The following RAB24 variants were observed in gnomAD, a reference collection of about 807,000 sequenced individuals.
RAB24 encodes the protein ras-related protein Rab-24.
Under a neutral mutation model 31.4 loss-of-function variants are expected in RAB24, and 9 were observed. The ratio of observed to expected loss-of-function variants is 0.29; its 90% confidence interval spans 0.17 to 0.50. RAB24 has a LOEUF of 0.50. Among genes scored for constraint, RAB24 ranks in the 20% least tolerant of loss-of-function variants. RAB24 has a pLI of 0.98. For synonymous variants in RAB24, 106 were observed against 94.1 expected (o/e 1.13, Z -0.73); for missense variants, 197 against 265.2 (o/e 0.74, Z 1.79).
intron 6 of RAB24, 49 bp from the exon 7 acceptor site, chr5:177,302,036 G>A: frequency 1.2e-5 from 19 of 1,610,850 alleles, no homozygotes; most frequent in East Asian, 2.2e-5. Flanking sequence ...AGTAGCCCTG[G>A]GATCTCCCAG....
chr5:177,301,652 T>G lies in RAB24; in HGVS notation c.*91A>C, dbSNP rs774313546. On this transcript the variant is annotated 3_prime_UTR_variant, in exon 8 of 8. Transcript: ENST00000303251. ...TGCTGACATGAGGACCTGGGGTAGC[T>G]CAGACATTTGACTACCCAAGCCCAG... is the stretch of plus-strand genomic sequence containing the variant. 4 of 1,442,936 alleles carry G rather than the reference T, an allele frequency of 2.8e-6. No individual in the cohort carries two copies. In the African/African-American group the frequency reaches 4.2e-5, roughly 15 times the overall value. 89.4% of individuals were successfully genotyped at this position (1,442,936 alleles called of 1,614,324 possible).
Position 177,303,120 on chromosome 5 carries a change from C to T in RAB24, c.118-43G>A, listed in dbSNP as rs1439448551. 1.2e-6 allele frequency: 2 copies of T among 1,613,322 alleles called. No homozygotes were observed. The highest frequency in any genetic ancestry group is 1.7e-6 in the Non-Finnish European group (2 of 1,179,608). Reference sequence around the variant, plus strand: ...AGATCGGGGCCATAGGTGCAGATTACCGGCCCCCCACTCCCCCGCCCACCG... The same window carrying T: ...AGATCGGGGCCATAGGTGCAGATTATCGGCCCCCCACTCCCCCGCCCACCG... On this transcript the variant is annotated intron_variant, in intron 1 of 7. Transcript: ENST00000303251. This position sits in a 1 kb window ranked among gnomAD's most constrained non-coding sequence, Gnocchi z 6.1.
Position 177,303,691 on chromosome 5 carries a change from GCCGCGACTC to G in RAB24, c.-412_-404del. 2.8e-6 allele frequency: 1 copy of G among 359,540 alleles called. No homozygotes were observed. Among genetic ancestry groups the G allele is most frequent in the Non-Finnish European group, 5.0e-6 (1 of 200,582 alleles). 22.3% of individuals were successfully genotyped at this position (359,540 alleles called of 1,614,324 possible). A position where few individuals can be genotyped will look rare whatever the true frequency, so the allele number is the denominator to read the frequency against. ...CCGCAACCCGGCTCCTACCCGCAGC[GCCGCGACTC>G]CCGCGGGAGGGGGCTAGAGGGCGAG... On this transcript the variant is annotated 5_prime_UTR_variant, in exon 1 of 8. Transcript: ENST00000303251. The surrounding 1 kb of genome is among the most constrained non-coding windows in gnomAD (Gnocchi z 6.1).
rs1336762922 is a variant in RAB24 at position 177,301,716 on chromosome 5, A to AT, written c.*26dup. On this transcript the variant is annotated 3_prime_UTR_variant, in exon 8 of 8. Coordinates refer to ENST00000303251, the MANE Select transcript of RAB24 (RefSeq NM_001031677.4). ...CCAGCCCTTACGGGGAATTCCTTTAATTCCCCCAGGCCAGGTGAGTGCTGA... is the reference window on the plus strand; with the variant it reads ...CCAGCCCTTACGGGGAATTCCTTTAATTTCCCCCAGGCCAGGTGAGTGCTGA... 44 of 1,613,238 alleles carry AT rather than the reference A, an allele frequency of 2.7e-5. No individual in the cohort carries two copies. Among genetic ancestry groups the AT allele is most frequent in the Non-Finnish European group, 3.6e-5 (42 of 1,179,306 alleles).
At position 177,303,183 on chromosome 5, in the gene RAB24, G is replaced by A; in HGVS notation, c.106C>T (p.Pro36Ser). 6.2e-7 allele frequency: 1 copy of A among 1,613,698 alleles called. No individual in the cohort carries two copies. Among genetic ancestry groups the A allele is most frequent in the African/African-American group, 1.3e-5 (1 of 75,036 alleles). The change falls in exon 1 of 8, where the codon CCT (proline) becomes TCT (serine). Residue 36 changes from proline to serine, a missense_variant. Pro to Ser is a moderately conservative substitution (Grantham distance 74). Coordinates refer to ENST00000303251, the MANE Select transcript of RAB24 (RefSeq NM_001031677.4). This position sits in a 1 kb window ranked among gnomAD's most constrained non-coding sequence, Gnocchi z 6.1. ...RYVHDRFLVG[P>S]YQNTIGAAFV... The stretch of plus-strand genomic sequence containing the variant: ...CCGGATGCACTCACGTTCTGATAAG[G>A]CCCCACCAGAAAGCGGTCGTGCACG...
At chr5:177,302,952 A>T in intron 2 of RAB24, 57 bp downstream of exon 2, 1 of 1,597,482 alleles carries the variant, frequency 6.3e-7, no homozygotes. Context: ...AGTAATAGGC[A>T]GGACCTACAC....
Position 177,302,614 on chromosome 5 carries a change from G to A in RAB24, c.296C>T (p.Ala99Val). 6.2e-7 allele frequency: 1 copy of A among 1,614,118 alleles called. No homozygotes were observed. Among genetic ancestry groups the A allele is most frequent in the South Asian group, 1.1e-5 (1 of 91,070 alleles). The change falls in exon 4 of 8, where the codon GCA (alanine) becomes GTA (valine). Residue 99 changes from alanine (A) to valine (V), a missense_variant. This residue lies in a region of RAB24 where 148 missense variants were observed against 159.7 expected (regional missense o/e 0.93). Coordinates refer to ENST00000303251, the MANE Select transcript of RAB24 (RefSeq NM_001031677.4). Reference protein sequence around the residue: ...DLTDSSSFERAKFWVKELRSL... With the variant: ...DLTDSSSFERVKFWVKELRSL... ...GCGCAGTTCCTTCACCCAGAACTTT[G>A]CTCGCTCAAAGCTGCTGCTGTCTGT...
chr5:177,301,579 G>T lies in RAB24; in HGVS notation c.*164C>A. ...TTATCCCTCCTCATGCCCACAGTCAGCCCAATGCTGTCTCCGTTCCATGGG... is the reference window on the plus strand; with the variant it reads ...TTATCCCTCCTCATGCCCACAGTCATCCCAATGCTGTCTCCGTTCCATGGG... On this transcript the variant is annotated 3_prime_UTR_variant, in exon 8 of 8. Coordinates refer to ENST00000303251, the MANE Select transcript of RAB24 (RefSeq NM_001031677.4). 2 of 750,660 alleles carry T rather than the reference G, an allele frequency of 2.7e-6. No individual in the cohort carries two copies. The highest frequency in any genetic ancestry group is 4.4e-6 in the Non-Finnish European group (2 of 455,164). The allele number at this position is 750,660 out of a possible 1,614,324, so 46.5% of individuals were successfully genotyped here. A position where few individuals can be genotyped will look rare whatever the true frequency, so the allele number is the denominator to read the frequency against.
In RAB24 at chr5:177,302,743, C is replaced by T. The variant is rs376112399; in HGVS notation, c.265+9G>A. On this transcript the variant is annotated intron_variant, in intron 3 of 7. Coordinates refer to ENST00000303251, the MANE Select transcript of RAB24 (RefSeq NM_001031677.4). ...CTTGTGAGACAGCCCAAACCCCCCC[C>T]CCCCTTACCATAGCAGACGATGGCA... is the stretch of plus-strand genomic sequence containing the variant. The T allele has an allele frequency of 1.8e-5, 28 of 1,596,638 alleles. No individual in the cohort carries two copies. The highest frequency in any genetic ancestry group is 2.1e-5 in the Non-Finnish European group (25 of 1,164,948).
rs1760722889 is a variant in RAB24 at position 177,302,742 on chromosome 5, C to A, written c.265+10G>T. ...TCTTGTGAGACAGCCCAAACCCCCC[C>A]CCCCCTTACCATAGCAGACGATGGC... On this transcript the variant is annotated intron_variant, in intron 3 of 7. Coordinates refer to ENST00000303251, the MANE Select transcript of RAB24 (RefSeq NM_001031677.4). 3 of 1,588,180 alleles carry A rather than the reference C, an allele frequency of 1.9e-6. No homozygotes were observed. Among genetic ancestry groups the A allele is most frequent in the African/African-American group, 1.3e-5 (1 of 74,298 alleles).
Position 177,302,801 on chromosome 5 carries a change from G to A in RAB24, c.216C>T (p.Ala72=). Residue 72 remains alanine (A), a synonymous_variant, in exon 3 of 8, where the codon GCC becomes GCT. Coordinates refer to ENST00000303251, the MANE Select transcript of RAB24 (RefSeq NM_001031677.4). ...WDTAGSERYE[A]MSRIYYRGAK... ...CACCCCGATAGTAGATTCTACTCATGGCCTCATAGCGCTCAGAGCCTGCTG... is the reference window on the plus strand; with the variant it reads ...CACCCCGATAGTAGATTCTACTCATAGCCTCATAGCGCTCAGAGCCTGCTG... 6.2e-7 allele frequency: 1 copy of A among 1,611,222 alleles called. No homozygotes were observed. The highest frequency in any genetic ancestry group is 8.5e-7 in the Non-Finnish European group (1 of 1,179,666).
Position 177,302,387 on chromosome 5 carries a change from G to A in RAB24, c.433+10C>T, listed in dbSNP as rs1760708322. On this transcript the variant is annotated intron_variant, in intron 5 of 7. Transcript: ENST00000303251. ...CACCCCCACCCCCCAAAGGGCTGAG[G>A]AGCAGCTACTGTCTGCATAGTCCTG... The A allele has an allele frequency of 6.2e-7, 1 of 1,612,710 alleles. No individual in the cohort carries two copies. The highest frequency in any genetic ancestry group is 8.5e-7 in the Non-Finnish European group (1 of 1,179,740).
At position 177,303,534 on chromosome 5, in the gene RAB24, G is replaced by C; in HGVS notation, c.-246C>G. On this transcript the variant is annotated 5_prime_UTR_variant, in exon 1 of 8. Transcript: ENST00000303251. The surrounding 1 kb of genome is among the most constrained non-coding windows in gnomAD (Gnocchi z 6.1). ...CTTCGAAGACCCCAAGCCTCGGGGC[G>C]GCCTGGGAGCGCGCGGGACAGCGTC... 1 of 582,994 alleles carries C rather than the reference G, an allele frequency of 1.7e-6. No individual in the cohort carries two copies. Among genetic ancestry groups the C allele is most frequent in the South Asian group, 2.0e-5 (1 of 49,408 alleles). 36.1% of individuals were successfully genotyped at this position (582,994 alleles called of 1,614,324 possible).
chr5:177,301,526 G>T lies in RAB24; in HGVS notation c.*217C>A. The T allele has an allele frequency of 1.7e-6, 1 of 601,102 alleles. No individual in the cohort carries two copies. The highest frequency in any genetic ancestry group is 3.0e-6 in the Non-Finnish European group (1 of 338,330). The allele number at this position is 601,102 out of a possible 1,614,324, so 37.2% of individuals were successfully genotyped here. On this transcript the variant is annotated 3_prime_UTR_variant, in exon 8 of 8. Transcript: ENST00000303251. ...AATCTGCAGACACAAGTGCTGTCCA[G>T]GGCAGAAGCCTGGGGTCCAAATCAG... is the stretch of plus-strand genomic sequence containing the variant.
Position 177,302,772 on chromosome 5 carries a change from T to A in RAB24, c.245A>T (p.Lys82Met). 7.4e-7 allele frequency: 1 copy of A among 1,346,936 alleles called. No homozygotes were observed. The highest frequency in any genetic ancestry group is 3.9e-5 in the East Asian group (1 of 25,564). The allele number at this position is 1,346,936 out of a possible 1,614,324, so 83.4% of individuals were successfully genotyped here. A position where few individuals can be genotyped will look rare whatever the true frequency, so the allele number is the denominator to read the frequency against. ...AMSRIYYRGA[K>M]AAIVCYDLTD... ...CTTACCATAGCAGACGATGGCAGCCTTGGCACCCCGATAGTAGATTCTACT... is the reference window on the plus strand; with the variant it reads ...CTTACCATAGCAGACGATGGCAGCCATGGCACCCCGATAGTAGATTCTACT... Residue 82 changes from lysine (K) to methionine (M), a missense_variant, in exon 3 of 8, where the codon AAG becomes ATG. Coordinates refer to ENST00000303251, the MANE Select transcript of RAB24 (RefSeq NM_001031677.4).
chr5:177,303,577 C>A lies in RAB24; in HGVS notation c.-289G>T, dbSNP rs575388245. 2 of 527,020 alleles carry A rather than the reference C, an allele frequency of 3.8e-6. No homozygotes were observed. Among genetic ancestry groups the A allele is most frequent in the Non-Finnish European group, 6.8e-6 (2 of 295,030 alleles). 32.6% of individuals were successfully genotyped at this position (527,020 alleles called of 1,614,324 possible). ...ACAGCGTCCTCAACAGCGCAGCACG[C>A]CGCCGTGCAGCTCGCTACTCCGTCA... On this transcript the variant is annotated 5_prime_UTR_variant, in exon 1 of 8. Coordinates refer to ENST00000303251, the MANE Select transcript of RAB24 (RefSeq NM_001031677.4). The surrounding 1 kb of genome is among the most constrained non-coding windows in gnomAD (Gnocchi z 6.1).
Position 177,303,043 on chromosome 5 carries a change from G to C in RAB24, c.152C>G (p.Ser51Trp), listed in dbSNP as rs779204729. ...IGAAFVAKVM[S>W]VGDRTVTLGI... ...TAATGTCACAGTCCGGTCTCCGACC[G>C]ACATCACCTTGGCCACGAAGGCGGC... Residue 51 changes from serine to tryptophan, a missense_variant, in exon 2 of 8, where the codon TCG becomes TGG. Physicochemically the swap from Ser to Trp is radical, Grantham distance 177. Transcript: ENST00000303251. The surrounding 1 kb of genome is among the most constrained non-coding windows in gnomAD (Gnocchi z 6.1). 1 of 1,614,098 alleles carries C rather than the reference G, an allele frequency of 6.2e-7. No individual in the cohort carries two copies. Among genetic ancestry groups the C allele is most frequent in the Middle Eastern group, 1.7e-4 (1 of 6,058 alleles).
At position 177,301,950 on chromosome 5, in the gene RAB24, A is replaced by G; in HGVS notation, c.522T>C (p.Ser174=). The change falls in exon 7 of 8, where the codon AGT becomes AGC. Residue 174 remains serine (S), a synonymous_variant. Transcript: ENST00000303251. Reference sequence around the variant, plus strand: ...CTGTCATCACCTGGAAGGCAGCCACACTGACGTAATCCTCTGCCACTTTCT... The same window carrying G: ...CTGTCATCACCTGGAAGGCAGCCACGCTGACGTAATCCTCTGCCACTTTCT... ...LFQKVAEDYV[S]VAAFQVMTED... 1.9e-6 allele frequency: 3 copies of G among 1,614,234 alleles called. No homozygotes were observed. The highest frequency in any genetic ancestry group is 1.6e-4 in the Middle Eastern group (1 of 6,062).
In RAB24 at chr5:177,302,499, G is replaced by GAGGCAGAAGACAA; in HGVS notation, c.334-16_334-4dup. On this transcript the variant is annotated splice_polypyrimidine_tract_variant and splice_region_variant and intron_variant, in intron 4 of 7. Transcript: ENST00000303251. ...CCACATAAGTAGATTTGGCAGCCCTGAGGCAGAAGACAAGGGTCACCTCCA... is the reference window on the plus strand; with the variant it reads ...CCACATAAGTAGATTTGGCAGCCCTGAGGCAGAAGACAAAGGCAGAAGACAAGGGTCACCTCCA... 4 of 1,614,000 alleles carry GAGGCAGAAGACAA rather than the reference G, an allele frequency of 2.5e-6. No individual in the cohort carries two copies. The highest frequency in any genetic ancestry group is 3.4e-6 in the Non-Finnish European group (4 of 1,180,032).
Sources: allele counts gnomAD v4.1 joint callset, GRCh38; gene constraint gnomAD v4.1.1; regional missense constraint gnomAD v4.1.1; non-coding constraint Gnocchi (gnomAD v3.1); transcripts MANE v1.5; gene names NCBI Gene and HGNC (gene_info 2026-07-23, HGNC 2026-07-21).